Variants in ZNF541 observed in about 807,000 individuals in gnomAD.
The protein encoded by ZNF541 is zinc finger protein 541.
Under a neutral mutation model 123.5 loss-of-function variants are expected in ZNF541, and 23 were observed. The ratio of observed to expected loss-of-function variants is 0.19; its 90% CI spans 0.13 to 0.26. The LOEUF is 0.26. Among genes scored for constraint, ZNF541 ranks in the 10% least tolerant of loss-of-function variants. ZNF541 has a pLI of 1.00. For synonymous variants in ZNF541, 751 were observed against 754.5 expected (o/e 1.00, Z 0.08); for missense variants, 1,612 against 1,789.9 (o/e 0.90, Z 1.79).
intron 12 of ZNF541, among the ~76,000 whole-genome samples, chr19:47,530,961 A>C (rs1969539644): frequency 6.6e-6 from 1 of 152,178 alleles, no homozygotes; most frequent in East Asian, 1.9e-4. Context: ...AAGAATTTCA[A>C]GACAGAGACA....
chr19:47,526,777 G>A (rs984171769), intron 14 of ZNF541, among the ~76,000 whole-genome samples: 2 of 152,082 alleles, frequency 1.3e-5, no homozygotes, highest in Non-Finnish European at 2.9e-5. Flanking sequence ...ATTGTTTGGC[G>A]GTTTCTTAAA....
chr19:47,566,240 C>G (rs1971258200), intron 2 of ZNF541, among the ~76,000 whole-genome samples: 1 of 151,832 alleles, frequency 6.6e-6, no homozygotes, highest in Admixed American at 6.6e-5. Flanking sequence ...TGAGGGGAAA[C>G]AAAGGATTCT....
chr19:47,566,822 C>T (rs1020945024), intron 2 of ZNF541, among the ~76,000 whole-genome samples: 32 of 151,920 alleles, frequency 2.1e-4, no homozygotes, highest in Middle Eastern at 3.4e-3. Context: ...GAGGCTGAGG[C>T]GGGCGGATCA....
intron 4 of ZNF541, 24 bp downstream of exon 4, chr19:47,549,221 T>C (rs1970495502): frequency 6.4e-7 from 1 of 1,551,292 alleles, no homozygotes; most frequent in Non-Finnish European, 8.7e-7. Flanking sequence ...GAACAGACGT[T>C]TTTCTGACCA....
At chr19:47,528,876 G>T in intron 14 of ZNF541, 74 bp downstream of exon 14, 3 of 1,299,550 alleles carry the variant, frequency 2.3e-6, no homozygotes, top group South Asian at 1.3e-5. Context: ...TCCGACCCCC[G>T]ACCAGCCCTG....
chr19:47,544,685 G>A lies in ZNF541; in HGVS notation c.1844C>T (p.Pro615Leu). The change falls in exon 5 of 17, where the codon CCT (proline) becomes CTT (leucine). Residue 615 changes from proline (P) to leucine (L), a missense_variant. Pro to Leu is a moderately conservative substitution (Grantham distance 98, BLOSUM62 -3). This residue lies in a region of ZNF541 where 1,080 missense variants were observed against 1,013.8 expected (regional missense o/e 1.07). Coordinates refer to ENST00000391901, the MANE Select transcript of ZNF541 (RefSeq NM_001277075.3). Reference sequence around the variant, plus strand: ...GGAGCCCTCTGCCTCGGGGTTTCCAGGGCCGGCGTGGAGAGAGTCCACAGC... The same window carrying A: ...GGAGCCCTCTGCCTCGGGGTTTCCAAGGCCGGCGTGGAGAGAGTCCACAGC... Reference protein sequence around the residue: ...APAVDSLHAGPGNPEAEGSPA... With the variant: ...APAVDSLHAGLGNPEAEGSPA... 1 of 1,524,884 alleles carries A rather than the reference G, an allele frequency of 6.6e-7. No individual in the cohort carries two copies. Among genetic ancestry groups the A allele is most frequent in the South Asian group, 1.2e-5 (1 of 80,984 alleles). 94.5% of individuals were successfully genotyped at this position (1,524,884 alleles called of 1,614,324 possible).
At position 47,553,695 on chromosome 19, in the gene ZNF541, C is replaced by T. The variant is rs942004285; in HGVS notation, c.307+1855G>A. ...CTGGGATTACAGGCGTGAGCCACCA[C>T]GCCTGGCCAAATTATTGTATTTTTA... On this transcript the variant is annotated intron_variant, in intron 3 of 16. Coordinates refer to ENST00000391901, the MANE Select transcript of ZNF541 (RefSeq NM_001277075.3). Among the ~76,000 whole-genome samples, 7 of 152,152 alleles carry T rather than the reference C, an allele frequency of 4.6e-5. No homozygotes were observed. The South Asian group carries it at 1.2e-3, about 27-fold the overall frequency.
intron 5 of ZNF541, among the ~76,000 whole-genome samples, chr19:47,542,455 C>G (rs767274867): frequency 2.0e-4 from 31 of 151,848 alleles, no homozygotes; most frequent in Non-Finnish European, 3.7e-4. Context: ...CAGGAAAGAC[C>G]AGCCTGGCCA....
Position 47,555,664 on chromosome 19 carries a change from T to C in ZNF541, c.193A>G (p.Ser65Gly). The C allele has an allele frequency of 6.4e-7, 1 of 1,551,770 alleles. No homozygotes were observed. The highest frequency in any genetic ancestry group is 8.7e-7 in the Non-Finnish European group (1 of 1,147,008). ...TCTAAGTTGTCCTCCAGCACCTCGC[T>C]GGACATGTCAGGCGTTGGGAGGCTG... Reference protein sequence around the residue: ...DPSLPTPDMSSEVLEDNLDTL... With the variant: ...DPSLPTPDMSGEVLEDNLDTL... The change falls in exon 3 of 17, where the codon AGC (serine) becomes GGC (glycine). Residue 65 changes from serine (S) to glycine (G), a missense_variant. Ser to Gly is a moderately conservative substitution (Grantham distance 56, BLOSUM62 0). Around this residue, in one of 5 missense-constraint regions of ZNF541, gnomAD observed 212 missense variants for 289.6 expected, o/e 0.73. Coordinates refer to ENST00000391901, the MANE Select transcript of ZNF541 (RefSeq NM_001277075.3).
intron 9 of ZNF541, among the ~76,000 whole-genome samples, chr19:47,536,895 C>T (rs1003033847): frequency 6.6e-6 from 1 of 152,272 alleles, no homozygotes; most frequent in East Asian, 1.9e-4. Flanking sequence ...GAAAAATGTT[C>T]GGCCATAAAA....
At chr19:47,570,955 A>G (rs1315552940) in intron 2 of ZNF541, among the ~76,000 whole-genome samples, 1 of 140,576 alleles carries the variant, frequency 7.1e-6, no homozygotes, top group Non-Finnish European at 1.5e-5. Flanking sequence ...CTCAAAAAGA[A>G]AAAAAAAAAA....
intron 14 of ZNF541, among the ~76,000 whole-genome samples, chr19:47,526,518 A>G (rs918607213): frequency 6.6e-6 from 1 of 151,574 alleles, no homozygotes; most frequent in African/African-American, 2.4e-5. Context: ...CAGACATCTC[A>G]ATAAAAACAT....
At chr19:47,562,870 C>G (rs1971119584) in intron 2 of ZNF541, among the ~76,000 whole-genome samples, 1 of 152,144 alleles carries the variant, frequency 6.6e-6, no homozygotes, top group Non-Finnish European at 1.5e-5. Flanking sequence ...TTTGTTTAAC[C>G]ACTCTCCTGT....
intron 1 of ZNF541, among the ~76,000 whole-genome samples, 109 bp downstream of exon 1, chr19:47,572,973 AG>A (rs1035783351): frequency 1.3e-5 from 2 of 151,390 alleles, no homozygotes; most frequent in African/African-American, 4.8e-5. Context: ...AAAGAAATCA[AG>A]AAACGAATGA....
chr19:47,551,178 T>G (rs993914605), intron 3 of ZNF541, among the ~76,000 whole-genome samples: 1 of 151,742 alleles, frequency 6.6e-6, no homozygotes, highest in Non-Finnish European at 1.5e-5. Flanking sequence ...TAGCTGGGAC[T>G]ACAGGTACCT....
chr19:47,567,980 A>G (rs1006249613), intron 2 of ZNF541, among the ~76,000 whole-genome samples: 4 of 152,166 alleles, frequency 2.6e-5, no homozygotes, highest in African/African-American at 9.7e-5. Context: ...CTAGGAAGTT[A>G]ATTATCTTTA....
intron 3 of ZNF541, 62 bp downstream of exon 3, chr19:47,555,485 CCCT>C: frequency 6.9e-7 from 1 of 1,452,100 alleles, no homozygotes; most frequent in Non-Finnish European, 9.1e-7. Flanking sequence ...CAGAATCAGT[CCCT>C]AGCTGGCCAC....
intron 5 of ZNF541, 129 bp from the exon 6 acceptor site, chr19:47,541,080 G>C: frequency 1.2e-6 from 1 of 815,648 alleles, no homozygotes; most frequent in East Asian, 3.0e-5. Flanking sequence ...TGGTTTCTTA[G>C]ATAAGACACC....
Position 47,572,045 on chromosome 19 carries a change from G to C in ZNF541, c.-245-3C>G, listed in dbSNP as rs1971494135. ...GGATACTCCCAATTTCTTTTGCCCT[G>C]AAAGCAGGTGGTGGGAAGGAAGAAG... On this transcript the variant is annotated splice_region_variant and splice_polypyrimidine_tract_variant and intron_variant, in intron 1 of 16. Transcript: ENST00000391901. Among the ~76,000 whole-genome samples, 1 of 152,184 alleles carries C rather than the reference G, an allele frequency of 6.6e-6. No individual in the cohort carries two copies. The highest frequency in any genetic ancestry group is 2.1e-4 in the South Asian group (1 of 4,838).
Sources: gnomAD v4.1 joint callset for allele counts (sites outside exome capture counted in the v4.1 genomes callset) on GRCh38, gnomAD v4.1.1 for gene constraint, gnomAD v4.1.1 regional missense constraint, MANE v1.5 for transcripts, NCBI Gene and HGNC (gene_info 2026-07-23, HGNC 2026-07-21) for gene names.